The following CAMTA1 variants were observed in gnomAD, a reference collection of about 807,000 sequenced individuals.
CAMTA1 encodes calmodulin-binding transcription activator 1.
Under a neutral mutation model 170.9 loss-of-function variants are expected in CAMTA1, and 27 were observed. That is an observed-to-expected ratio of 0.16 (90% confidence interval 0.12 to 0.22). The LOEUF is 0.22. CAMTA1 is among the 10% of genes least tolerant of loss of function. CAMTA1 has a pLI of 1.00. For missense variants in CAMTA1, 1,619 were observed against 2,217.2 expected, an observed-to-expected ratio of 0.73 and a Z score of 5.42; for synonymous variants, 833 against 891.5, an observed-to-expected ratio of 0.93 and a Z score of 1.17.
intron 3 of CAMTA1, among the ~76,000 whole-genome samples, chr1:6,977,657 A>G (rs964559966): frequency 2.6e-5 from 4 of 152,138 alleles, no homozygotes; most frequent in Non-Finnish European, 5.9e-5. Context: ...AGCTTTTTTA[A>G]GCATATCATG....
chr1:6,983,193 G>T (rs535954920), intron 3 of CAMTA1, among the ~76,000 whole-genome samples: 23 of 152,190 alleles, frequency 1.5e-4, no homozygotes, highest in Non-Finnish European at 2.6e-4. Context: ...CTAAGAGTAT[G>T]TGCGGGGAAC....
chr1:7,134,434 C>T (rs6693057), intron 4 of CAMTA1, among the ~76,000 whole-genome samples: 1,995 of 152,208 alleles, frequency 0.013, 46 homozygotes, highest in African/African-American at 0.045. Context: ...GCTGAAACTA[C>T]AGGCCTGTGC....
chr1:7,535,021 A>C (rs1472997113), intron 6 of CAMTA1, among the ~76,000 whole-genome samples: 2 of 152,130 alleles, frequency 1.3e-5, no homozygotes, highest in Non-Finnish European at 2.9e-5. Flanking sequence ...CCATCCAAAA[A>C]AGGGGAGTCA....
rs138688322 is a variant in CAMTA1 at position 7,490,833 on chromosome 1, T to G, written c.510+22932T>G. Among the ~76,000 whole-genome samples the G allele has an allele frequency of 7.8e-3, 1,193 of 152,136 alleles. 17 individuals are homozygous for G. Among genetic ancestry groups the G allele is most frequent in the African/African-American group, 0.026 (1,089 of 41,498 alleles). ...TCTCCTTGATGCAGAAAGTGGGAGG[T>G]GCTTTCCTCTCTCAGGCAGGATGCT... On this transcript the variant is annotated intron_variant, in intron 6 of 22. Coordinates refer to ENST00000303635, the MANE Select transcript of CAMTA1 (RefSeq NM_015215.4).
At position 7,680,869 on chromosome 1, in the gene CAMTA1, A is replaced by AGCG. The variant is rs1410205305; in HGVS notation, c.2914+3138_2914+3139insGGC. Among the ~76,000 whole-genome samples the AGCG allele has an allele frequency of 8.3e-6, 1 of 119,980 alleles. No homozygotes were observed. Among genetic ancestry groups the AGCG allele is most frequent in the Non-Finnish European group, 2.0e-5 (1 of 50,916 alleles). 78.7% of individuals were successfully genotyped at this position (119,980 alleles called of 152,430 possible). On this transcript the variant is annotated intron_variant, in intron 11 of 22. Coordinates refer to ENST00000303635, the MANE Select transcript of CAMTA1 (RefSeq NM_015215.4). The surrounding 1 kb of genome is among the most constrained non-coding windows in gnomAD (Gnocchi z 4.4). ...GCGCGCGCGCGCGCGCGCCAGCAGCAGCAGCAGCAGCAGCTGCTGCGGCGA... is the reference window on the plus strand; with the variant it reads ...GCGCGCGCGCGCGCGCGCCAGCAGCAGCGGCAGCAGCAGCAGCTGCTGCGGCGA...
chr1:7,281,630 C>A (rs1475586121), intron 5 of CAMTA1, among the ~76,000 whole-genome samples: 1 of 152,160 alleles, frequency 6.6e-6, no homozygotes, highest in Admixed American at 6.5e-5. Context: ...ATAATTGCAG[C>A]AGCTTAATTT....
At chr1:6,883,084 G>A (rs1405851172) in intron 3 of CAMTA1, among the ~76,000 whole-genome samples, 1 of 152,060 alleles carries the variant, frequency 6.6e-6, no homozygotes, top group Non-Finnish European at 1.5e-5. Context: ...AGTAGAGATG[G>A]GGTTTTGCTG....
intron 3 of CAMTA1, among the ~76,000 whole-genome samples, chr1:7,054,191 G>A (rs1706927396): frequency 6.6e-6 from 1 of 152,212 alleles, no homozygotes; most frequent in Non-Finnish European, 1.5e-5. Context: ...CTTACCCTAA[G>A]TTTAGCTGGG....
intron 6 of CAMTA1, among the ~76,000 whole-genome samples, chr1:7,638,507 T>C (rs890352738): frequency 6.6e-6 from 1 of 151,980 alleles, no homozygotes; most frequent in Non-Finnish European, 1.5e-5. Context: ...CGGGCTGTGG[T>C]GGCGTGCACG....
chr1:7,765,523 G>C (rs2097014549), intron 22 of CAMTA1, among the ~76,000 whole-genome samples: 1 of 152,164 alleles, frequency 6.6e-6, no homozygotes, highest in African/African-American at 2.4e-5. Context: ...GCACCCTATG[G>C]CTGTCCATCT....
chr1:7,177,043 C>A (rs1435694310), intron 4 of CAMTA1, among the ~76,000 whole-genome samples: 4 of 152,032 alleles, frequency 2.6e-5, no homozygotes, highest in African/African-American at 7.3e-5. Context: ...CATGCCCCCT[C>A]CCCTCACAAG....
rs903283220 is a variant in CAMTA1, at chr1:6,880,072, TA to T, written c.234+54865del. On this transcript the variant is annotated intron_variant, in intron 3 of 22. Coordinates refer to ENST00000303635, the MANE Select transcript of CAMTA1 (RefSeq NM_015215.4). Reference sequence around the variant, plus strand: ...CTCTTTCTCTAGTAGGGTTTTTTTTTAAATTTTATTTATTTTTTATATTTAT... The same window carrying T: ...CTCTTTCTCTAGTAGGGTTTTTTTTTAATTTTATTTATTTTTTATATTTAT... 2.0e-4 allele frequency among the ~76,000 whole-genome samples: 30 copies of T among 151,750 alleles called. 1 individual carries two copies. The highest frequency in any genetic ancestry group is 6.8e-4 in the African/African-American group (28 of 41,398).
chr1:6,974,120 C>T (rs1019472801), intron 3 of CAMTA1, among the ~76,000 whole-genome samples: 10 of 152,180 alleles, frequency 6.6e-5, no homozygotes, highest in Non-Finnish European at 1.5e-5. Flanking sequence ...GTGTGTGGAG[C>T]TCGGTCTGGG....
intron 3 of CAMTA1, among the ~76,000 whole-genome samples, chr1:6,846,598 C>A (rs955680127): frequency 6.6e-6 from 1 of 152,146 alleles, no homozygotes; most frequent in Non-Finnish European, 1.5e-5. Context: ...AGCTTTTTGT[C>A]AACTTTTTAA....
At chr1:7,232,551 G>T (rs1448903242) in intron 4 of CAMTA1, among the ~76,000 whole-genome samples, 1 of 152,108 alleles carries the variant, frequency 6.6e-6, no homozygotes, top group Non-Finnish European at 1.5e-5. Context: ...CTATCTCCTT[G>T]CTAGAACATA....
At chr1:6,943,164 G>A (rs1279510870) in intron 3 of CAMTA1, among the ~76,000 whole-genome samples, 8 of 151,698 alleles carry the variant, frequency 5.3e-5, no homozygotes, top group Admixed American at 2.6e-4. Context: ...CAGCCACTCC[G>A]GCCCTCCTCC....
At position 7,335,977 on chromosome 1, in the gene CAMTA1, C is replaced by G. The variant is rs74052680; in HGVS notation, c.438+86351C>G. On this transcript the variant is annotated intron_variant, in intron 5 of 22. Coordinates refer to ENST00000303635, the MANE Select transcript of CAMTA1 (RefSeq NM_015215.4). ...AAATGTAACCACCGGCTCATCGACT[C>G]TGGAAACCGGCTTTCCTGCCCAAGA... Among the ~76,000 whole-genome samples the G allele has an allele frequency of 1.2e-3, 184 of 152,332 alleles. 1 individual carries two copies. Among genetic ancestry groups the G allele is most frequent in the African/African-American group, 4.3e-3 (180 of 41,580 alleles).
intron 5 of CAMTA1, among the ~76,000 whole-genome samples, chr1:7,422,171 C>T (rs1258139109): frequency 1.3e-5 from 2 of 152,216 alleles, no homozygotes; most frequent in Non-Finnish European, 2.9e-5. Context: ...TGTGCAGGGG[C>T]CTGTGCTGTG....
chr1:7,103,967 A>G lies in CAMTA1; in HGVS notation c.302+12596A>G, dbSNP rs564786985. On this transcript the variant is annotated intron_variant, in intron 4 of 22. Coordinates refer to ENST00000303635, the MANE Select transcript of CAMTA1 (RefSeq NM_015215.4). ...AGCACACACGTACATACAACTACAC[A>G]CACGCACACACAACACACAAGTACA... is the stretch of plus-strand genomic sequence containing the variant. Among the ~76,000 whole-genome samples the G allele has an allele frequency of 2.0e-5, 3 of 151,960 alleles. No homozygotes were observed. In the East Asian group the frequency reaches 5.8e-4, roughly 29 times the overall value.
Sources: allele counts gnomAD v4.1 joint callset (sites outside exome capture counted in the v4.1 genomes callset), GRCh38; gene constraint gnomAD v4.1.1; non-coding constraint Gnocchi (gnomAD v3.1); transcripts MANE v1.5; gene names NCBI Gene and HGNC (gene_info 2026-07-23, HGNC 2026-07-21).